ATXN7: variants seen among roughly 807,000 people sequenced by gnomAD.
ATXN7 encodes the protein ataxin 7, also known as ataxin-7.
Under a neutral mutation model 70.5 loss-of-function variants are expected in ATXN7, and 12 were observed. The observed-to-expected ratio is 0.17, with a 90% CI of 0.11 to 0.28. The LOEUF is 0.28. ATXN7 is among the 10% of genes least tolerant of loss of function. The probability of loss-of-function intolerance (pLI) is 1.00; values close to 1 mark genes in which losing one functional copy is unlikely to be tolerated. For synonymous variants in ATXN7, 498 were observed against 448.7 expected (o/e 1.11, Z -1.39); for missense variants, 1,256 against 1,131.7 (o/e 1.11, Z -1.58).
At chr3:63,938,545 A>G (rs1272073239) in intron 4 of ATXN7, among the ~76,000 whole-genome samples, 1 of 152,180 alleles carries the variant, frequency 6.6e-6, no homozygotes, top group Non-Finnish European at 1.5e-5. Flanking sequence ...TTTATGCATA[A>G]AGTGAGACCT....
chr3:63,934,261 A>G (rs1439977844), intron 4 of ATXN7, among the ~76,000 whole-genome samples: 1 of 152,106 alleles, frequency 6.6e-6, no homozygotes, highest in Non-Finnish European at 1.5e-5. Context: ...CTCGGAGGCT[A>G]TGATAGAGTC....
intron 1 of ATXN7, among the ~76,000 whole-genome samples, chr3:63,896,300 A>G (rs1305479360): frequency 3.9e-5 from 6 of 152,158 alleles, no homozygotes; most frequent in East Asian, 1.9e-4. Context: ...TTTTAAAATT[A>G]TATTTATTGA....
chr3:63,931,394 A>G (rs1425211313), intron 4 of ATXN7, among the ~76,000 whole-genome samples: 3 of 152,180 alleles, frequency 2.0e-5, no homozygotes, highest in Non-Finnish European at 4.4e-5. Flanking sequence ...TTTGTAGGCA[A>G]TAGCTGTGAA....
At chr3:63,954,466 G>T (rs2075005464) in intron 5 of ATXN7, among the ~76,000 whole-genome samples, 1 of 152,148 alleles carries the variant, frequency 6.6e-6, no homozygotes, top group Non-Finnish European at 1.5e-5. Flanking sequence ...CAGGGCCTCA[G>T]TGCCAATCGG....
At chr3:63,964,095 C>G (rs967313350) in intron 5 of ATXN7, among the ~76,000 whole-genome samples, 8 of 151,538 alleles carry the variant, frequency 5.3e-5, no homozygotes, top group Non-Finnish European at 4.4e-5. Flanking sequence ...CACACACACA[C>G]ACACACACAC....
rs1575883700 is a variant in ATXN7, at chr3:63,912,832, C to A, written c.234C>A (p.Val78=). The A allele has an allele frequency of 6.3e-7, 1 of 1,594,636 alleles. No homozygotes were observed. Among genetic ancestry groups the A allele is most frequent in the Middle Eastern group, 1.7e-4 (1 of 5,972 alleles). Residue 78 remains valine, a synonymous_variant, in exon 3 of 13, where the codon GTC becomes GTA. Coordinates refer to ENST00000674280, the MANE Select transcript of ATXN7 (RefSeq NM_001377405.1). ...CCTCGGCCGCCGCAATGGCGACGGT[C>A]GGGGAGCGCAGGCCTCTGCCCAGTC... ...ASTSAAAMAT[V]GERRPLPSPE...
At chr3:63,913,890 AAGTC>A (rs1434091331) in intron 4 of ATXN7, among the ~76,000 whole-genome samples, 2 of 152,316 alleles carry the variant, frequency 1.3e-5, no homozygotes, top group East Asian at 1.9e-4. Flanking sequence ...CTCCAAATGA[AAGTC>A]AGGCCAGGTA....
intron 4 of ATXN7, among the ~76,000 whole-genome samples, chr3:63,923,953 T>A (rs919053393): frequency 2.6e-5 from 4 of 151,920 alleles, no homozygotes; most frequent in Non-Finnish European, 4.4e-5. Flanking sequence ...GGGGGGATAG[T>A]TGGTGGTTAG....
chr3:63,907,599 T>C (rs963138168), intron 2 of ATXN7, among the ~76,000 whole-genome samples: 1 of 150,976 alleles, frequency 6.6e-6, no homozygotes, highest in Non-Finnish European at 1.5e-5. Context: ...GCTGGGACTA[T>C]AGACACATGC....
intron 1 of ATXN7, among the ~76,000 whole-genome samples, chr3:63,867,395 A>G (rs1419816973): frequency 6.6e-6 from 1 of 151,998 alleles, no homozygotes; most frequent in Non-Finnish European, 1.5e-5. Context: ...CTGGAATGCA[A>G]TTGCATGAAA....
At chr3:63,979,195 C>T (rs1341461305) in intron 5 of ATXN7, among the ~76,000 whole-genome samples, 1 of 152,154 alleles carries the variant, frequency 6.6e-6, no homozygotes, top group African/African-American at 2.4e-5. Context: ...TGTACTTAAC[C>T]ATGAATTACT....
At chr3:63,962,177 T>G (rs2075143101) in intron 5 of ATXN7, among the ~76,000 whole-genome samples, 1 of 152,178 alleles carries the variant, frequency 6.6e-6, no homozygotes, top group Admixed American at 6.5e-5. Flanking sequence ...GAAATCCCAC[T>G]CTTGAGGTTT....
chr3:63,999,764 T>G lies in ATXN7; in HGVS notation c.*297T>G, dbSNP rs1388660823. 5 of 565,864 alleles carry G rather than the reference T, an allele frequency of 8.8e-6. No individual in the cohort carries two copies. Among genetic ancestry groups the G allele is most frequent in the Non-Finnish European group, 1.6e-5 (5 of 317,786 alleles). 35.1% of individuals were successfully genotyped at this position (565,864 alleles called of 1,614,324 possible). A position where few individuals can be genotyped will look rare whatever the true frequency, so the allele number is the denominator to read the frequency against. ...TCTGTGAGAAGTTTTTGTTTTTGTTTTGTTTTTTAACTTGCAGTATATCAC... is the reference window on the plus strand; with the variant it reads ...TCTGTGAGAAGTTTTTGTTTTTGTTGTGTTTTTTAACTTGCAGTATATCAC... On this transcript the variant is annotated 3_prime_UTR_variant, in exon 13 of 13. Transcript: ENST00000674280.
chr3:63,971,842 G>A (rs1376923472), intron 5 of ATXN7, among the ~76,000 whole-genome samples: 1 of 152,154 alleles, frequency 6.6e-6, no homozygotes, highest in Non-Finnish European at 1.5e-5. Flanking sequence ...TCCAAAATAT[G>A]GTTTAGTTGT....
At chr3:63,966,514 A>G (rs1044851589) in intron 5 of ATXN7, among the ~76,000 whole-genome samples, 15 of 152,038 alleles carry the variant, frequency 9.9e-5, no homozygotes, top group Admixed American at 1.3e-4. Context: ...GCGTTCTTCT[A>G]GTGTCTTCTA....
intron 1 of ATXN7, among the ~76,000 whole-genome samples, chr3:63,897,785 C>A (rs1463381967): frequency 2.0e-5 from 3 of 152,106 alleles, no homozygotes; most frequent in Admixed American, 1.3e-4. Flanking sequence ...GTTTGTTAAT[C>A]TGTAATTTAT....
intron 1 of ATXN7, chr3:63,878,633 T>G (rs1313206397): frequency 6.6e-6 from 1 of 152,174 alleles, no homozygotes. Context: ...AGAATTATTT[T>G]CAGAAGGACG....
intron 11 of ATXN7, among the ~76,000 whole-genome samples, chr3:63,992,795 A>G (rs1487431785): frequency 6.6e-6 from 1 of 152,228 alleles, no homozygotes; most frequent in Non-Finnish European, 1.5e-5. Context: ...CGTGTTGCTC[A>G]GTAATGAGCT....
Position 64,001,460 on chromosome 3 carries a change from G to A in ATXN7, c.*1993G>A, listed in dbSNP as rs1263228794. On this transcript the variant is annotated 3_prime_UTR_variant, in exon 13 of 13. Coordinates refer to ENST00000674280, the MANE Select transcript of ATXN7 (RefSeq NM_001377405.1). Reference sequence around the variant, plus strand: ...TTGGTGACAAGTGCAATGGGGTATGGGTAGAATTTATTTTCAGAGCCAAGA... The same window carrying A: ...TTGGTGACAAGTGCAATGGGGTATGAGTAGAATTTATTTTCAGAGCCAAGA... 2.0e-5 allele frequency: 3 copies of A among 152,068 alleles called. No individual in the cohort carries two copies. Among genetic ancestry groups the A allele is most frequent in the African/African-American group, 7.3e-5 (3 of 41,374 alleles). The allele number at this position is 152,068 out of a possible 1,614,324, so 9.4% of individuals were successfully genotyped here.
Sources: allele counts gnomAD v4.1 joint callset (sites outside exome capture counted in the v4.1 genomes callset), GRCh38; gene constraint gnomAD v4.1.1; transcripts MANE v1.5; gene names NCBI Gene and HGNC (gene_info 2026-07-23, HGNC 2026-07-21).